Variants in TENM4 observed in about 807,000 individuals in gnomAD.
TENM4 encodes teneurin transmembrane protein 4.
Under a neutral mutation model 243.3 loss-of-function variants are expected in TENM4, and 82 were observed. The ratio of observed to expected loss-of-function variants is 0.34; its 90% CI spans 0.28 to 0.40. The LOEUF is 0.40. Ranked by LOEUF, TENM4 falls within the 10% of genes least tolerant of loss-of-function variation. TENM4 has a pLI of 1.00. For synonymous variants in TENM4, 1,412 were observed against 1,456.3 expected (o/e 0.97, Z 0.69); for missense variants, 3,138 against 3,673.3 (o/e 0.85, Z 3.77).
intron 2 of TENM4, among the ~76,000 whole-genome samples, chr11:79,267,134 C>T (rs934004382): frequency 2.0e-5 from 3 of 152,158 alleles, no homozygotes; most frequent in African/African-American, 7.2e-5. Context: ...CCTTTCTCAC[C>T]ATCCACATGT....
chr11:79,335,531 C>A (rs1454891087), intron 1 of TENM4, among the ~76,000 whole-genome samples: 1 of 152,160 alleles, frequency 6.6e-6, no homozygotes, highest in Non-Finnish European at 1.5e-5. Context: ...TCCTACTCAG[C>A]TTAGGGGGAA....
intron 3 of TENM4, among the ~76,000 whole-genome samples, chr11:79,210,303 T>C (rs1454396601): frequency 6.6e-6 from 1 of 152,194 alleles, no homozygotes; most frequent in African/African-American, 2.4e-5. Context: ...TTAATCGTCA[T>C]GTCTTCCATG....
intron 1 of TENM4, among the ~76,000 whole-genome samples, chr11:79,309,582 C>T (rs1395422382): frequency 2.0e-5 from 3 of 152,186 alleles, no homozygotes; most frequent in African/African-American, 7.2e-5. Context: ...GCAATTCTAA[C>T]AGATGAAGAA....
chr11:79,425,034 A>C (rs1218127118), intron 1 of TENM4, among the ~76,000 whole-genome samples: 2 of 152,282 alleles, frequency 1.3e-5, no homozygotes, highest in Non-Finnish European at 2.9e-5. Flanking sequence ...TCTTCAGCTG[A>C]TAATGTCTTA....
intron 2 of TENM4, among the ~76,000 whole-genome samples, chr11:79,259,316 C>T (rs1052662989): frequency 6.6e-6 from 1 of 152,206 alleles, no homozygotes; most frequent in Non-Finnish European, 1.5e-5. Context: ...ACTGTTTCCT[C>T]CACCTATCCA....
intron 6 of TENM4, among the ~76,000 whole-genome samples, chr11:78,910,036 T>C (rs1000674875): frequency 3.9e-5 from 6 of 152,204 alleles, no homozygotes; most frequent in Admixed American, 2.0e-4. Flanking sequence ...CAGTGGAGTC[T>C]ACCACTATTC....
At chr11:79,116,254 T>C (rs1861618313) in intron 4 of TENM4, among the ~76,000 whole-genome samples, 1 of 152,224 alleles carries the variant, frequency 6.6e-6, no homozygotes, top group African/African-American at 2.4e-5. Flanking sequence ...GGAACAGAAC[T>C]TAACATTCAT....
rs1591332960 is a variant in TENM4, at chr11:79,174,366, G to T, written c.-162-25560C>A. On this transcript the variant is annotated intron_variant, in intron 3 of 33. Coordinates refer to ENST00000278550, the MANE Select transcript of TENM4 (RefSeq NM_001098816.3). Reference sequence around the variant, plus strand: ...CTACAGCAAGTGAAAGACTGGGCTGGAATTTTGATTTTGTTTCCTCACTAT... The same window carrying T: ...CTACAGCAAGTGAAAGACTGGGCTGTAATTTTGATTTTGTTTCCTCACTAT... Among the ~76,000 whole-genome samples the T allele has an allele frequency of 2.0e-5, 3 of 152,032 alleles. No individual in the cohort carries two copies. The South Asian group carries it at 6.2e-4, about 32-fold the overall frequency.
At chr11:78,710,830 C>T (rs1859380200) in intron 26 of TENM4, among the ~76,000 whole-genome samples, 1 of 152,202 alleles carries the variant, frequency 6.6e-6, no homozygotes, top group Non-Finnish European at 1.5e-5. Flanking sequence ...ACTGCCGCTT[C>T]ATCTGTGTGA....
intron 9 of TENM4, among the ~76,000 whole-genome samples, chr11:78,877,224 G>GT (rs11447579): frequency 0.53 from 80,112 of 151,814 alleles, 24,137 homozygotes; most frequent in East Asian, 0.78. Context: ...AAATACTGTG[G>GT]TTTTTTCAGC....
chr11:78,869,827 T>G (rs1053425872), intron 9 of TENM4, among the ~76,000 whole-genome samples: 2 of 152,186 alleles, frequency 1.3e-5, no homozygotes, highest in Non-Finnish European at 2.9e-5. Context: ...AAAAAAAATT[T>G]TAAGACAAAG....
At chr11:79,244,476 A>C (rs538483211) in intron 2 of TENM4, among the ~76,000 whole-genome samples, 1 of 151,946 alleles carries the variant, frequency 6.6e-6, no homozygotes, top group South Asian at 2.1e-4. Context: ...TGGTGTGACG[A>C]GTCTCCAAAG....
intron 6 of TENM4, among the ~76,000 whole-genome samples, chr11:79,029,566 T>C (rs1859172055): frequency 6.6e-6 from 1 of 152,166 alleles, no homozygotes. Flanking sequence ...CTTGGCTGTC[T>C]TGGAAACCCA....
chr11:78,886,881 C>G (rs927158872), intron 9 of TENM4, among the ~76,000 whole-genome samples: 1 of 152,236 alleles, frequency 6.6e-6, no homozygotes, highest in African/African-American at 2.4e-5. Flanking sequence ...GCTCAAGACA[C>G]AAATTCTTCA....
chr11:79,246,451 C>A (rs1360654690), intron 2 of TENM4, among the ~76,000 whole-genome samples: 8 of 152,276 alleles, frequency 5.3e-5, no homozygotes, highest in African/African-American at 1.9e-4. Context: ...CCCAACACAT[C>A]AGCATTCTCA....
At chr11:79,150,986 C>T (rs1221518037) in intron 3 of TENM4, among the ~76,000 whole-genome samples, 1 of 152,042 alleles carries the variant, frequency 6.6e-6, no homozygotes, top group Admixed American at 6.6e-5. Context: ...ACCTAATTTG[C>T]CCAGGATCAC....
rs548918066 is a variant in TENM4 at position 79,026,212 on chromosome 11, C to T, written c.493+38526G>A. Among the ~76,000 whole-genome samples, 11 of 152,284 alleles carry T rather than the reference C, an allele frequency of 7.2e-5. No homozygotes were observed. In the South Asian group the frequency reaches 2.3e-3, roughly 32 times the overall value. On this transcript the variant is annotated intron_variant, in intron 6 of 33. Coordinates refer to ENST00000278550, the MANE Select transcript of TENM4 (RefSeq NM_001098816.3). ...ATTCATTAAGGGTATTCTACCAGTC[C>T]TACATGACCCTGGGTGTGAGGCCAG...
At chr11:79,063,836 G>A (rs184293525) in intron 6 of TENM4, among the ~76,000 whole-genome samples, 13 of 152,338 alleles carry the variant, frequency 8.5e-5, no homozygotes, top group African/African-American at 2.9e-4. Flanking sequence ...CCTTGGGAAC[G>A]AGCCTCAGGG....
intron 6 of TENM4, among the ~76,000 whole-genome samples, chr11:79,038,927 A>G (rs1859450531): frequency 6.6e-6 from 1 of 152,198 alleles, no homozygotes; most frequent in Admixed American, 6.5e-5. Context: ...GAAACTTCTG[A>G]TGAAGTCCAC....
Sources: gnomAD v4.1 joint callset for allele counts (sites outside exome capture counted in the v4.1 genomes callset) on GRCh38, gnomAD v4.1.1 for gene constraint, MANE v1.5 for transcripts, NCBI Gene and HGNC (gene_info 2026-07-23, HGNC 2026-07-21) for gene names.